The following DPP6 variants were observed in gnomAD, a reference collection of about 807,000 sequenced individuals.
The protein encoded by DPP6 is dipeptidyl peptidase like 6, also known as A-type potassium channel modulatory protein DPP6.
DPP6 carries 69 observed loss-of-function variants against 122.6 expected under a neutral mutation model. The observed-to-expected ratio is 0.56, with a 90% CI of 0.46 to 0.69. The LOEUF (loss-of-function observed/expected upper bound fraction) is 0.69. DPP6 is among the 30% of genes least tolerant of loss of function. DPP6 has a pLI of 0.00. For missense variants in DPP6, 928 were observed against 1,116.9 expected, an observed-to-expected ratio of 0.83 and a Z score of 2.41; for synonymous variants, 418 against 433.1, an observed-to-expected ratio of 0.97 and a Z score of 0.43.
intron 1 of DPP6, among the ~76,000 whole-genome samples, chr7:154,102,103 G>T (rs369289598): frequency 1.2e-4 from 19 of 152,062 alleles, no homozygotes; most frequent in East Asian, 5.8e-4. Context: ...ATTCTCACAC[G>T]CACAGATTGT....
chr7:154,679,556 C>T (rs1012181521), intron 7 of DPP6, among the ~76,000 whole-genome samples: 8 of 152,090 alleles, frequency 5.3e-5, no homozygotes, highest in Non-Finnish European at 1.5e-5. Context: ...CCACCCAGTC[C>T]CATGGCTGTA....
intron 1 of DPP6, among the ~76,000 whole-genome samples, chr7:154,252,425 C>T (rs62485762): frequency 0.17 from 26,349 of 152,200 alleles, 2,498 homozygotes; most frequent in African/African-American, 0.23. Context: ...GGCTATGATA[C>T]GAACACAAAG....
chr7:154,221,787 T>TA (rs1800321834), intron 1 of DPP6, among the ~76,000 whole-genome samples: 1 of 152,192 alleles, frequency 6.6e-6, no homozygotes, highest in African/African-American at 2.4e-5. Context: ...TCTGCTGAAT[T>TA]AAAAACAGGA....
At chr7:154,527,186 C>T (rs1827473747) in intron 3 of DPP6, among the ~76,000 whole-genome samples, 2 of 152,154 alleles carry the variant, frequency 1.3e-5, no homozygotes, top group Admixed American at 6.6e-5. Flanking sequence ...TATGCATAGT[C>T]GATGAGCTTC....
At chr7:154,240,548 A>G (rs1306021710) in intron 1 of DPP6, among the ~76,000 whole-genome samples, 1 of 152,212 alleles carries the variant, frequency 6.6e-6, no homozygotes, top group Non-Finnish European at 1.5e-5. Flanking sequence ...AGCTATTATA[A>G]ATAACTATCT....
rs80241111 is a variant in DPP6 at position 154,283,540 on chromosome 7, G to A, written c.244-162674G>A. On this transcript the variant is annotated intron_variant, in intron 1 of 25. Transcript: ENST00000377770. ...ATATCCGAGGCTCATGGGGTACACA[G>A]CAATAAACTAGGCAGGGCTCTGTTC... Among the ~76,000 whole-genome samples the A allele has an allele frequency of 7.6e-3, 1,151 of 152,254 alleles. 23 individuals carry two copies. The highest frequency in any genetic ancestry group is 0.026 in the African/African-American group (1,069 of 41,538).
At chr7:154,276,201 C>G (rs559145991) in intron 1 of DPP6, among the ~76,000 whole-genome samples, 34 of 152,232 alleles carry the variant, frequency 2.2e-4, no homozygotes, top group African/African-American at 7.2e-4. Flanking sequence ...AAACCCCATG[C>G]GTAGTTAATA....
At chr7:154,556,446 G>A (rs115676082) in intron 4 of DPP6, among the ~76,000 whole-genome samples, 2,598 of 152,270 alleles carry the variant, frequency 0.017, 69 homozygotes, top group African/African-American at 0.057. Context: ...AGAAACACTA[G>A]GGATAGGGTG....
chr7:153,938,440 C>A (rs1381284224), intron 1 of DPP6, among the ~76,000 whole-genome samples: 1 of 152,122 alleles, frequency 6.6e-6, no homozygotes, highest in Non-Finnish European at 1.5e-5. Flanking sequence ...ACCTCTAAGT[C>A]TTAAAGAGAG....
chr7:153,818,783 G>A, the DPP6 span, among the ~76,000 whole-genome samples: 1 of 151,904 alleles, frequency 6.6e-6, no homozygotes, highest in Non-Finnish European at 1.5e-5. Flanking sequence ...ACAGTGTCTT[G>A]CTCTGTCGCC....
chr7:154,399,358 G>A (rs552597846), intron 1 of DPP6, among the ~76,000 whole-genome samples: 1 of 152,258 alleles, frequency 6.6e-6, no homozygotes, highest in South Asian at 2.1e-4. Flanking sequence ...GATCATGCCT[G>A]TAACACTTTT....
intron 1 of DPP6, among the ~76,000 whole-genome samples, chr7:154,019,313 C>G (rs1406518751): frequency 3.9e-5 from 6 of 152,136 alleles, no homozygotes; most frequent in African/African-American, 1.4e-4. Context: ...CCACCTCTGT[C>G]AAATATTTAT....
At chr7:153,799,549 C>G in the DPP6 span, among the ~76,000 whole-genome samples, 1 of 152,128 alleles carries the variant, frequency 6.6e-6, no homozygotes. Flanking sequence ...CTGCAGCTGT[C>G]CTGATCACCT....
At chr7:154,886,751 C>T (rs908551685) in intron 22 of DPP6, among the ~76,000 whole-genome samples, 12 of 152,204 alleles carry the variant, frequency 7.9e-5, no homozygotes, top group African/African-American at 2.9e-4. Flanking sequence ...ATTGCCACAC[C>T]TAGCCCTAGC....
chr7:154,345,784 G>A (rs571807711), intron 1 of DPP6, among the ~76,000 whole-genome samples: 29 of 152,130 alleles, frequency 1.9e-4, no homozygotes, highest in Non-Finnish European at 3.4e-4. Flanking sequence ...CCTGGAACTG[G>A]GACCCTGTCT....
the DPP6 span, among the ~76,000 whole-genome samples, chr7:153,753,772 A>G: frequency 5.3e-5 from 8 of 152,184 alleles, no homozygotes; most frequent in Non-Finnish European, 5.9e-5. Context: ...TTCAGGATCA[A>G]GGACTCACTT....
intron 7 of DPP6, among the ~76,000 whole-genome samples, chr7:154,704,267 C>T (rs1242896490): frequency 6.6e-6 from 1 of 152,188 alleles, no homozygotes. Context: ...CAGGATAAAA[C>T]TTGAATGGGT....
intron 1 of DPP6, among the ~76,000 whole-genome samples, chr7:154,053,595 CT>C (rs921201273): frequency 1.3e-5 from 2 of 151,788 alleles, no homozygotes; most frequent in African/African-American, 2.4e-5. Context: ...CTCCTAGACA[CT>C]TTTTCCCCCC....
chr7:154,246,650 C>T (rs1224459635), intron 1 of DPP6, among the ~76,000 whole-genome samples: 1 of 152,086 alleles, frequency 6.6e-6, no homozygotes, highest in East Asian at 1.9e-4. Context: ...TATGAAGTTA[C>T]AGCAATAAAG....
Sources: allele counts gnomAD v4.1 joint callset (sites outside exome capture counted in the v4.1 genomes callset), GRCh38; gene constraint gnomAD v4.1.1; transcripts MANE v1.5; gene names NCBI Gene and HGNC (gene_info 2026-07-23, HGNC 2026-07-21).